MARK1: variants seen among roughly 807,000 people sequenced by gnomAD.
MARK1 encodes microtubule affinity regulating kinase 1, also known as serine/threonine-protein kinase MARK1.
Under a neutral mutation model 96.3 loss-of-function variants are expected in MARK1, and 40 were observed. The ratio of observed to expected loss-of-function variants is 0.42; its 90% CI spans 0.32 to 0.54. The LOEUF (loss-of-function observed/expected upper bound fraction) is 0.54. MARK1 is among the 20% of genes least tolerant of loss of function. The pLI, the probability that MARK1 is intolerant of heterozygous loss-of-function variation, is 0.16. For missense variants in MARK1, 719 were observed against 984.6 expected (o/e 0.73, Z 3.61); for synonymous variants, 317 against 341.2 (o/e 0.93, Z 0.78).
chr1:220,540,176 A>G (rs1427629924), intron 1 of MARK1, among the ~76,000 whole-genome samples: 1 of 152,126 alleles, frequency 6.6e-6, no homozygotes, highest in East Asian at 1.9e-4. Context: ...TTATTATGGG[A>G]ACTGGTCCAT....
intron 5 of MARK1, among the ~76,000 whole-genome samples, chr1:220,601,152 T>C (rs1488887694): frequency 6.6e-6 from 1 of 152,132 alleles, no homozygotes; most frequent in African/African-American, 2.4e-5. Context: ...TCTCCTGACC[T>C]CGTGATCTGC....
chr1:220,561,796 G>A (rs1346239210), intron 1 of MARK1, among the ~76,000 whole-genome samples: 5 of 152,210 alleles, frequency 3.3e-5, no homozygotes, highest in Admixed American at 6.5e-5. Flanking sequence ...TTGGAATTTG[G>A]CCAGGGAGCT....
At chr1:220,603,934 G>C in intron 5 of MARK1, 133 bp from the exon 6 acceptor site, 1 of 501,478 alleles carries the variant, frequency 2.0e-6, no homozygotes. Flanking sequence ...GTGTTAGTTT[G>C]TAACTTACAT....
intron 6 of MARK1, among the ~76,000 whole-genome samples, chr1:220,607,355 T>C (rs1042231145): frequency 6.6e-6 from 1 of 152,116 alleles, no homozygotes; most frequent in Admixed American, 6.6e-5. Context: ...ATGCTTGTGA[T>C]TTTTTGCACA....
chr1:220,528,849 G>A lies in MARK1; in HGVS notation c.27G>A (p.Thr9=). The A allele has an allele frequency of 3.2e-6, 5 of 1,571,050 alleles. No homozygotes were observed. Among genetic ancestry groups the A allele is most frequent in the Non-Finnish European group, 3.5e-6 (4 of 1,157,728 alleles). The change falls in exon 1 of 18, where the codon ACG becomes ACA. Residue 9 remains threonine (T), a synonymous_variant. Coordinates refer to ENST00000366917, the MANE Select transcript of MARK1 (RefSeq NM_018650.5). MSARTPLP[T]VNERDTENHT... ...TGTCGGCCCGGACGCCATTGCCGAC[G>A]GTGAACGAGCGGGACACGGAAAATG...
chr1:220,584,597 C>T (rs981157508), intron 3 of MARK1, among the ~76,000 whole-genome samples: 1 of 152,198 alleles, frequency 6.6e-6, no homozygotes, highest in Admixed American at 6.5e-5. Flanking sequence ...GCCCAGAGAC[C>T]TCTCTGGTAA....
intron 1 of MARK1, among the ~76,000 whole-genome samples, chr1:220,575,146 G>A (rs1057175238): frequency 1.3e-5 from 2 of 152,158 alleles, no homozygotes; most frequent in Non-Finnish European, 2.9e-5. Flanking sequence ...CAGCACTGAA[G>A]AGCTAATGAA....
At chr1:220,621,473 A>G (rs1396325899) in intron 9 of MARK1, among the ~76,000 whole-genome samples, 3 of 152,116 alleles carry the variant, frequency 2.0e-5, no homozygotes, top group Admixed American at 1.3e-4. Flanking sequence ...ATGGATACAA[A>G]TTCTAGTATT....
intron 3 of MARK1, among the ~76,000 whole-genome samples, chr1:220,585,995 A>G (rs1192870494): frequency 8.5e-5 from 2 of 23,472 alleles, no homozygotes; most frequent in Admixed American, 8.2e-4. Flanking sequence ...ACACACACAC[A>G]CACACACACA....
chr1:220,567,254 C>T lies in MARK1; in HGVS notation c.52-12100C>T, dbSNP rs115348719. ...TACTGATGGCTATTTAGGTTGTTTC[C>T]GACCTTTTGTTATTACAAATATTTT... On this transcript the variant is annotated intron_variant, in intron 1 of 17. Coordinates refer to ENST00000366917, the MANE Select transcript of MARK1 (RefSeq NM_018650.5). 9.7e-3 allele frequency among the ~76,000 whole-genome samples: 1,477 copies of T among 152,144 alleles called. 18 individuals carry two copies. The highest frequency in any genetic ancestry group is 0.034 in the African/African-American group (1,409 of 41,528).
At position 220,574,656 on chromosome 1, in the gene MARK1, C is replaced by CAG. The variant is rs570063254; in HGVS notation, c.52-4695_52-4694dup. Reference sequence around the variant, plus strand: ...CTTTGCCTGCTTTTTTATGGCTCTTCAGAGCCTTCAAACAGTTGTTTTTAA... The same window carrying CAG: ...CTTTGCCTGCTTTTTTATGGCTCTTCAGAGAGCCTTCAAACAGTTGTTTTTAA... On this transcript the variant is annotated intron_variant, in intron 1 of 17. Coordinates refer to ENST00000366917, the MANE Select transcript of MARK1 (RefSeq NM_018650.5). Among the ~76,000 whole-genome samples the CAG allele has an allele frequency of 1.7e-3, 265 of 152,272 alleles. 1 individual carries two copies. The highest frequency in any genetic ancestry group is 6.0e-3 in the African/African-American group (251 of 41,560).
chr1:220,552,590 A>G (rs976799615), intron 1 of MARK1, among the ~76,000 whole-genome samples: 11 of 152,182 alleles, frequency 7.2e-5, no homozygotes, highest in Admixed American at 3.3e-4. Flanking sequence ...TTGCTATAAA[A>G]TGAGTTCGTT....
intron 1 of MARK1, among the ~76,000 whole-genome samples, chr1:220,576,261 A>C (rs1307317532): frequency 6.6e-6 from 1 of 151,768 alleles, no homozygotes; most frequent in Non-Finnish European, 1.5e-5. Context: ...ATCTTGGCTT[A>C]ACTGGCAGTG....
intron 13 of MARK1, among the ~76,000 whole-genome samples, chr1:220,640,200 C>T (rs1668191454): frequency 6.6e-6 from 1 of 152,126 alleles, no homozygotes; most frequent in African/African-American, 2.4e-5. Context: ...ACATTAAATC[C>T]ATTCAAATGG....
chr1:220,629,762 ATGT>A (rs1667564588), intron 9 of MARK1, among the ~76,000 whole-genome samples: 2 of 152,216 alleles, frequency 1.3e-5, no homozygotes, highest in African/African-American at 4.8e-5. Flanking sequence ...AGGTTCATCC[ATGT>A]TGTAACATAT....
intron 1 of MARK1, among the ~76,000 whole-genome samples, chr1:220,566,153 C>T (rs965496260): frequency 3.9e-5 from 6 of 152,128 alleles, no homozygotes; most frequent in African/African-American, 1.4e-4. Flanking sequence ...GCATTCAACA[C>T]AGAAGACATT....
At chr1:220,572,661 A>G (rs887847497) in intron 1 of MARK1, among the ~76,000 whole-genome samples, 14 of 152,198 alleles carry the variant, frequency 9.2e-5, no homozygotes, top group Admixed American at 3.9e-4. Context: ...GTACAGTATT[A>G]TGCTTTGCTT....
chr1:220,555,861 C>A (rs1662208887), intron 1 of MARK1, among the ~76,000 whole-genome samples: 1 of 151,992 alleles, frequency 6.6e-6, no homozygotes, highest in Admixed American at 6.6e-5. Flanking sequence ...GAATATATAG[C>A]CAGGAAAAAG....
At chr1:220,655,535 G>C (rs2103065164) in intron 16 of MARK1, among the ~76,000 whole-genome samples, 1 of 151,438 alleles carries the variant, frequency 6.6e-6, no homozygotes, top group Non-Finnish European at 1.5e-5. Context: ...ATAAGCCTTG[G>C]AGTTATCCTT....
Sources: gnomAD v4.1 joint callset for allele counts (sites outside exome capture counted in the v4.1 genomes callset) on GRCh38, gnomAD v4.1.1 for gene constraint, MANE v1.5 for transcripts, NCBI Gene and HGNC (gene_info 2026-07-23, HGNC 2026-07-21) for gene names.